Variants in MTHFS observed in about 807,000 individuals in gnomAD.
The protein encoded by MTHFS is methenyltetrahydrofolate synthetase.
MTHFS carries 7 observed loss-of-function variants against 12.7 expected under a neutral mutation model. That is an observed-to-expected ratio of 0.55 (90% CI 0.31 to 1.03). The LOEUF (loss-of-function observed/expected upper bound fraction) is 1.03. MTHFS is among the 50% of genes least tolerant of loss of function. The pLI, the probability that MTHFS is intolerant of heterozygous loss-of-function variation, is 0.05. For synonymous variants in MTHFS, 100 were observed against 97.1 expected, an observed-to-expected ratio of 1.03 and a Z score of -0.18; for missense variants, 252 against 258.1, an observed-to-expected ratio of 0.98 and a Z score of 0.16.
In MTHFS at chr15:79,845,038, T is replaced by C; in HGVS notation, c.*172A>G. ...ATTAATATTCTACTATTCACACTTC[T>C]ATTGGTTTTTAAAGATGGTTTTATA... On this transcript the variant is annotated 3_prime_UTR_variant, in exon 3 of 3. Coordinates refer to ENST00000258874, the MANE Select transcript of MTHFS (RefSeq NM_006441.4). 1.1e-6 allele frequency: 1 copy of C among 878,512 alleles called. No homozygotes were observed. The highest frequency in any genetic ancestry group is 1.7e-6 in the Non-Finnish European group (1 of 593,922). 54.4% of individuals were successfully genotyped at this position (878,512 alleles called of 1,614,324 possible).
chr15:79,894,166 C>T (rs879556771), intron 1 of MTHFS, among the ~76,000 whole-genome samples: 6 of 152,262 alleles, frequency 3.9e-5, no homozygotes, highest in Non-Finnish European at 8.8e-5. Flanking sequence ...GGGAAGATCA[C>T]GAGGTCGAGT....
In MTHFS at chr15:79,853,498, G is replaced by C. The variant is rs539009220; in HGVS notation, c.380-8056C>G. The stretch of plus-strand genomic sequence containing the variant: ...TGCTATTTTAGAGGGACTAAATAAA[G>C]GAGATAAAACTCTAGTAAGTGTTCA... On this transcript the variant is annotated intron_variant, in intron 2 of 2. Transcript: ENST00000258874. Among the ~76,000 whole-genome samples, 5 of 152,268 alleles carry C rather than the reference G, an allele frequency of 3.3e-5. No individual in the cohort carries two copies. The South Asian group carries it at 1.0e-3, about 32-fold the overall frequency.
At chr15:79,897,018 C>T (rs749562452), upstream of MTHFS, 102 of 1,498,948 alleles carry the variant, frequency 6.8e-5, no homozygotes, top group Admixed American at 2.1e-3. Flanking sequence ...CAGTCCCGCC[C>T]TCGGCGCCCT....
intron 2 of MTHFS, among the ~76,000 whole-genome samples, chr15:79,845,878 C>T (rs1476457112): frequency 2.6e-5 from 4 of 152,134 alleles, no homozygotes; most frequent in Non-Finnish European, 4.4e-5. Flanking sequence ...GGTCAGTGAG[C>T]AGAAAGAGAG....
At chr15:79,851,548 C>G (rs1003265805) in intron 2 of MTHFS, among the ~76,000 whole-genome samples, 25 of 152,296 alleles carry the variant, frequency 1.6e-4, no homozygotes, top group African/African-American at 5.8e-4. Flanking sequence ...TGTAAAGCGC[C>G]TACGATGTGT....
chr15:79,896,531 A>AC (rs2034571997), intron 1 of MTHFS, among the ~76,000 whole-genome samples: 1 of 152,198 alleles, frequency 6.6e-6, no homozygotes, highest in South Asian at 2.1e-4. Context: ...CCGTGCTCTC[A>AC]CCACAGCACC....
chr15:79,881,284 T>C (rs2141369983), intron 2 of MTHFS, among the ~76,000 whole-genome samples: 1 of 152,326 alleles, frequency 6.6e-6, no homozygotes, highest in South Asian at 2.1e-4. Flanking sequence ...CAATGAATCA[T>C]TATGCTTGAG....
rs535691683 is a variant in MTHFS at position 79,851,060 on chromosome 15, G to A, written c.380-5618C>T. Among the ~76,000 whole-genome samples the A allele has an allele frequency of 6.6e-5, 10 of 152,294 alleles. 1 individual carries two copies. In the South Asian group the frequency reaches 1.2e-3, roughly 19 times the overall value. On this transcript the variant is annotated intron_variant, in intron 2 of 2. Coordinates refer to ENST00000258874, the MANE Select transcript of MTHFS (RefSeq NM_006441.4). Reference sequence around the variant, plus strand: ...AAAAGAAGGCTGAAAATAAGTGTTAGAGCCCAAGAGGTATGTGGGCACCTT... The same window carrying A: ...AAAAGAAGGCTGAAAATAAGTGTTAAAGCCCAAGAGGTATGTGGGCACCTT...
intron 1 of MTHFS, among the ~76,000 whole-genome samples, chr15:79,892,915 C>T (rs1044566180): frequency 6.6e-6 from 1 of 151,930 alleles, no homozygotes; most frequent in African/African-American, 2.4e-5. Flanking sequence ...TGGGCCACTG[C>T]ACTCCAGCCT....
intron 1 of MTHFS, among the ~76,000 whole-genome samples, chr15:79,894,317 G>A (rs2034527597): frequency 6.6e-6 from 1 of 152,068 alleles, no homozygotes; most frequent in South Asian, 2.1e-4. Context: ...GGAGGCAGAG[G>A]TTGCAGTGAG....
chr15:79,891,828 C>T (rs2034476587), intron 1 of MTHFS, among the ~76,000 whole-genome samples: 3 of 151,788 alleles, frequency 2.0e-5, no homozygotes, highest in South Asian at 2.1e-4. Flanking sequence ...ATTAGCCAGG[C>T]GTGGTGGCAC....
chr15:79,874,257 A>T (rs1406857357), intron 2 of MTHFS, among the ~76,000 whole-genome samples: 1 of 151,456 alleles, frequency 6.6e-6, no homozygotes, highest in Non-Finnish European at 1.5e-5. Context: ...GGCTTACACC[A>T]ATCTAAATGT....
chr15:79,892,966 A>G (rs1485902123), intron 1 of MTHFS, among the ~76,000 whole-genome samples: 2 of 152,072 alleles, frequency 1.3e-5, no homozygotes, highest in East Asian at 3.9e-4. Flanking sequence ...AATTAAAAAA[A>G]TAAATACAAG....
intron 2 of MTHFS, among the ~76,000 whole-genome samples, chr15:79,849,113 C>A (rs1352864057): frequency 2.0e-5 from 3 of 152,114 alleles, no homozygotes; most frequent in Non-Finnish European, 2.9e-5. Context: ...CGGAAACAGC[C>A]CTTCCTAGGT....
At chr15:79,861,866 T>G (rs755344996) in intron 2 of MTHFS, among the ~76,000 whole-genome samples, 10 of 152,224 alleles carry the variant, frequency 6.6e-5, no homozygotes, top group Admixed American at 1.3e-4. Flanking sequence ...CTGTATAAAT[T>G]TTTTAAAAGG....
intron 2 of MTHFS, among the ~76,000 whole-genome samples, chr15:79,848,694 C>T (rs918718810): frequency 2.6e-5 from 4 of 152,230 alleles, no homozygotes; most frequent in African/African-American, 4.8e-5. Context: ...ATCCCTTGAG[C>T]GAGAGTTAAT....
At chr15:79,848,325 T>C (rs1467166995) in intron 2 of MTHFS, among the ~76,000 whole-genome samples, 1 of 152,208 alleles carries the variant, frequency 6.6e-6, no homozygotes, top group Non-Finnish European at 1.5e-5. Flanking sequence ...TGTAGAATGA[T>C]GGTTACCAGG....
chr15:79,849,559 C>T (rs1243503755), intron 2 of MTHFS, among the ~76,000 whole-genome samples: 4 of 152,220 alleles, frequency 2.6e-5, no homozygotes, highest in African/African-American at 4.8e-5. Context: ...CACCTTCACA[C>T]ACCACAAGGT....
At chr15:79,877,023 A>G (rs1004869332) in intron 2 of MTHFS, 2 of 152,086 alleles carry the variant, frequency 1.3e-5, no homozygotes, top group African/African-American at 4.8e-5. Flanking sequence ...AGCCTGGGCG[A>G]CAACAGTGAA....
Sources: allele counts gnomAD v4.1 joint callset (sites outside exome capture counted in the v4.1 genomes callset), GRCh38; gene constraint gnomAD v4.1.1; transcripts MANE v1.5; gene names NCBI Gene and HGNC (gene_info 2026-07-23, HGNC 2026-07-21).